The following CDK19 variants were observed in gnomAD, a reference collection of about 807,000 sequenced individuals.
The protein encoded by CDK19 is cyclin dependent kinase 19.
In CDK19, 20 loss-of-function variants were observed where a neutral mutation model predicts 68.3. The observed-to-expected ratio is 0.29, with a 90% CI of 0.21 to 0.43. The LOEUF is 0.43. Ranked by LOEUF, CDK19 falls within the 20% of genes least tolerant of loss-of-function variation. CDK19 has a pLI of 1.00. For synonymous variants in CDK19, 221 were observed against 222.8 expected, an observed-to-expected ratio of 0.99 and a Z score of 0.07; for missense variants, 339 against 623.5, an observed-to-expected ratio of 0.54 and a Z score of 4.86.
At chr6:110,628,527 A>T (rs1045466160) in intron 6 of CDK19, among the ~76,000 whole-genome samples, 3 of 152,188 alleles carry the variant, frequency 2.0e-5, no homozygotes, top group Non-Finnish European at 4.4e-5. Flanking sequence ...GTTCATCCAC[A>T]CTGTATACTC....
chr6:110,620,354 G>A (rs1017250296), intron 12 of CDK19, among the ~76,000 whole-genome samples: 3 of 151,546 alleles, frequency 2.0e-5, no homozygotes, highest in African/African-American at 4.9e-5. Context: ...AAGAGTTCCC[G>A]GAGGGACTGT....
intron 1 of CDK19, among the ~76,000 whole-genome samples, chr6:110,781,595 C>A (rs1780827251): frequency 6.6e-6 from 1 of 152,120 alleles, no homozygotes; most frequent in Non-Finnish European, 1.5e-5. Context: ...CTAATCCTAG[C>A]ACTTTGGGAG....
chr6:110,759,322 G>A (rs1205354716), intron 1 of CDK19, among the ~76,000 whole-genome samples: 12 of 145,750 alleles, frequency 8.2e-5, no homozygotes, highest in Non-Finnish European at 1.5e-5. Context: ...GGAGGATGGC[G>A]TGAACCCAGG....
At chr6:110,786,903 T>C (rs1583101037) in intron 1 of CDK19, among the ~76,000 whole-genome samples, 1 of 152,106 alleles carries the variant, frequency 6.6e-6, no homozygotes, top group African/African-American at 2.4e-5. Flanking sequence ...GGCTCAGGGG[T>C]TAGCAGCTTT....
chr6:110,693,976 T>C lies in CDK19; in HGVS notation c.205-23435A>G, dbSNP rs534658246. On this transcript the variant is annotated intron_variant, in intron 2 of 12. Coordinates refer to ENST00000368911, the MANE Select transcript of CDK19 (RefSeq NM_015076.5). Reference sequence around the variant, plus strand: ...AAGCAAGCACTACAATAAATGCTAATAGGAGTTCTAAATCTTGAAACAAAA... The same window carrying C: ...AAGCAAGCACTACAATAAATGCTAACAGGAGTTCTAAATCTTGAAACAAAA... Among the ~76,000 whole-genome samples, 17 of 151,030 alleles carry C rather than the reference T, an allele frequency of 1.1e-4. No individual in the cohort carries two copies. In the South Asian group the frequency reaches 3.3e-3, roughly 30 times the overall value.
At chr6:110,635,515 C>T (rs906754433) in intron 5 of CDK19, among the ~76,000 whole-genome samples, 1 of 152,108 alleles carries the variant, frequency 6.6e-6, no homozygotes, top group Non-Finnish European at 1.5e-5. Context: ...GTTTTCCATG[C>T]AAGTATCCTT....
intron 2 of CDK19, among the ~76,000 whole-genome samples, chr6:110,745,537 A>T (rs947584908): frequency 6.6e-6 from 1 of 152,168 alleles, no homozygotes; most frequent in Non-Finnish European, 1.5e-5. Context: ...ACAGAAAAAT[A>T]GACATTAATT....
intron 1 of CDK19, among the ~76,000 whole-genome samples, chr6:110,771,702 T>C (rs1035222209): frequency 6.6e-6 from 1 of 152,220 alleles, no homozygotes; most frequent in Admixed American, 6.5e-5. Context: ...CAACCTCTTA[T>C]GCTCTGCTTC....
intron 4 of CDK19, among the ~76,000 whole-genome samples, chr6:110,647,976 T>TA (rs1249483094): frequency 6.6e-6 from 1 of 152,162 alleles, no homozygotes; most frequent in African/African-American, 2.4e-5. Context: ...AAGAAAATTA[T>TA]AAAATCATCT....
At chr6:110,739,648 G>C (rs1365218467) in intron 2 of CDK19, among the ~76,000 whole-genome samples, 2 of 144,460 alleles carry the variant, frequency 1.4e-5, no homozygotes, top group Non-Finnish European at 3.0e-5. Context: ...TTTTTTTTTT[G>C]AGATGGGGTT....
intron 2 of CDK19, among the ~76,000 whole-genome samples, chr6:110,686,403 T>G (rs1431984004): frequency 1.3e-5 from 2 of 152,218 alleles, no homozygotes; most frequent in Non-Finnish European, 2.9e-5. Flanking sequence ...ACACAGACGC[T>G]AAAAGAACTC....
chr6:110,671,597 T>C (rs1032377732), intron 2 of CDK19, among the ~76,000 whole-genome samples: 2 of 152,088 alleles, frequency 1.3e-5, no homozygotes, highest in African/African-American at 4.8e-5. Context: ...ATGACCAAAG[T>C]CAAATAGCTA....
At chr6:110,671,658 T>C (rs1482003641) in intron 2 of CDK19, among the ~76,000 whole-genome samples, 2 of 152,216 alleles carry the variant, frequency 1.3e-5, no homozygotes, top group African/African-American at 2.4e-5. Context: ...GCAAAGTCCA[T>C]GCTTTTTCCA....
chr6:110,796,134 C>T (rs947495524), intron 1 of CDK19, among the ~76,000 whole-genome samples: 63 of 152,130 alleles, frequency 4.1e-4, no homozygotes, highest in African/African-American at 1.4e-3. Flanking sequence ...GTCAAGAGAT[C>T]GAGACCATCC....
chr6:110,788,637 C>T (rs1781398574), intron 1 of CDK19, among the ~76,000 whole-genome samples: 1 of 152,088 alleles, frequency 6.6e-6, no homozygotes, highest in Non-Finnish European at 1.5e-5. Flanking sequence ...ATCCTGCACC[C>T]ACAGAGAAGC....
At chr6:110,669,258 TGTTAAA>T (rs1229274606) in intron 3 of CDK19, among the ~76,000 whole-genome samples, 1 of 152,270 alleles carries the variant, frequency 6.6e-6, no homozygotes, top group Admixed American at 6.5e-5. Context: ...GACCTGAGTC[TGTTAAA>T]GTTATTCCTC....
chr6:110,701,790 T>C (rs1354142592), intron 2 of CDK19, among the ~76,000 whole-genome samples: 10 of 151,976 alleles, frequency 6.6e-5, no homozygotes, highest in Non-Finnish European at 7.4e-5. Context: ...GTTGAAGAAA[T>C]TAAAGTCCAT....
intron 1 of CDK19, among the ~76,000 whole-genome samples, chr6:110,773,676 T>C (rs1202847610): frequency 2.6e-5 from 4 of 152,208 alleles, no homozygotes; most frequent in Non-Finnish European, 5.9e-5. Flanking sequence ...TCTATCTAAA[T>C]GTTACTTTTT....
intron 1 of CDK19, among the ~76,000 whole-genome samples, chr6:110,747,707 C>T: frequency 6.6e-6 from 1 of 152,088 alleles, no homozygotes; most frequent in East Asian, 1.9e-4. Context: ...TTAGTATTTT[C>T]AAAGTGATAG....
Sources: allele counts gnomAD v4.1 joint callset (sites outside exome capture counted in the v4.1 genomes callset), GRCh38; gene constraint gnomAD v4.1.1; transcripts MANE v1.5; gene names NCBI Gene and HGNC (gene_info 2026-07-23, HGNC 2026-07-21).